Variants in PDE10A observed in about 807,000 individuals in gnomAD.
The protein encoded by PDE10A is phosphodiesterase 10A, also known as cAMP and cAMP-inhibited cGMP 3',5'-cyclic phosphodiesterase 10A.
A neutral mutation model predicts 97.7 loss-of-function variants in PDE10A; 39 were observed. The ratio of observed to expected loss-of-function variants is 0.40; its 90% CI spans 0.31 to 0.52. The LOEUF (loss-of-function observed/expected upper bound fraction) is 0.52, where lower values mean the gene tolerates loss of function less well. Ranked by LOEUF, PDE10A falls within the 20% of genes least tolerant of loss-of-function variation. The pLI, the probability that PDE10A is intolerant of heterozygous loss-of-function variation, is 0.56. For missense variants in PDE10A, 731 were observed against 1,047.8 expected (o/e 0.70, Z 4.17); for synonymous variants, 371 against 376.8 (o/e 0.98, Z 0.18).
chr6:165,513,536 A>G (rs1475680523), intron 2 of PDE10A, among the ~76,000 whole-genome samples: 1 of 152,112 alleles, frequency 6.6e-6, no homozygotes, highest in African/African-American at 2.4e-5. Flanking sequence ...TTGCATTTCC[A>G]TATGCATTTT....
intron 1 of PDE10A, among the ~76,000 whole-genome samples, chr6:165,741,654 A>G (rs1792724106): frequency 1.3e-5 from 2 of 152,236 alleles, no homozygotes; most frequent in Non-Finnish European, 2.9e-5. Context: ...AGCATACTAT[A>G]TATTATACAG....
At chr6:165,609,719 C>A (rs1787398395) in intron 1 of PDE10A, among the ~76,000 whole-genome samples, 1 of 152,134 alleles carries the variant, frequency 6.6e-6, no homozygotes, top group Non-Finnish European at 1.5e-5. Flanking sequence ...CAATAACAGA[C>A]AAACAGAGAG....
intron 1 of PDE10A, among the ~76,000 whole-genome samples, chr6:165,752,419 C>G (rs1793027068): frequency 6.6e-6 from 1 of 152,214 alleles, no homozygotes; most frequent in African/African-American, 2.4e-5. Context: ...TCCAGCTGCA[C>G]TGAACCTGGG....
chr6:165,837,213 T>G (rs539660440), intron 1 of PDE10A, among the ~76,000 whole-genome samples: 2 of 149,200 alleles, frequency 1.3e-5, no homozygotes, highest in South Asian at 4.2e-4. Context: ...AAAAAAAGAG[T>G]AATACAAACT....
intron 17 of PDE10A, among the ~76,000 whole-genome samples, chr6:165,384,197 G>A (rs531035655): frequency 6.6e-5 from 10 of 152,158 alleles, no homozygotes; most frequent in East Asian, 3.9e-4. Flanking sequence ...AGGAAAAGGC[G>A]GAAAAACAGA....
At chr6:165,454,082 T>C (rs1777795183) in intron 3 of PDE10A, among the ~76,000 whole-genome samples, 1 of 152,210 alleles carries the variant, frequency 6.6e-6, no homozygotes, top group East Asian at 1.9e-4. Context: ...GTTTCCTCTG[T>C]TGAGTTTTGG....
In PDE10A at chr6:165,343,438, C is replaced by A. The variant is rs117826255; in HGVS notation, c.2848G>T (p.Val950Phe). 2 of 1,613,850 alleles carry A rather than the reference C, an allele frequency of 1.2e-6. No individual in the cohort carries two copies. Among genetic ancestry groups the A allele is most frequent in the Admixed American group, 1.7e-5 (1 of 59,986 alleles). Residue 950 changes from valine (V) to phenylalanine (F), a missense_variant, in exon 19 of 22, where the codon GTT becomes TTT. Physicochemically the swap from Val to Phe is conservative, Grantham distance 50 (BLOSUM62 -1). Coordinates refer to ENST00000539869, the MANE Select transcript of PDE10A (RefSeq NM_001385079.1). ...DLCSVTKLWP[V>F]TKLTANDIYA... ...ATATCATTTGCCGTCAATTTTGTAA[C>A]GGGCCACAGTTTTGTCACAGAACAA...
rs944425391 is a variant in PDE10A at position 165,330,275 on chromosome 6, T to C, written c.*2750A>G. On this transcript the variant is annotated 3_prime_UTR_variant, in exon 22 of 22. Transcript: ENST00000539869. ...CCTTAATAGGAACTCATCAAAGCTG[T>C]TGTTAGTAAAAACCATCTCTTGGCT... The C allele has an allele frequency of 2.6e-5, 4 of 152,200 alleles. No homozygotes were observed. Among genetic ancestry groups the C allele is most frequent in the South Asian group, 2.1e-4 (1 of 4,838 alleles). 9.4% of individuals were successfully genotyped at this position (152,200 alleles called of 1,614,324 possible).
intron 1 of PDE10A, among the ~76,000 whole-genome samples, chr6:165,543,976 T>C (rs1362311361): frequency 2.0e-5 from 3 of 152,146 alleles, no homozygotes; most frequent in Non-Finnish European, 2.9e-5. Flanking sequence ...TTTCTAGCAA[T>C]AAATTTCAGA....
chr6:165,586,878 G>GA (rs568867512), intron 1 of PDE10A, among the ~76,000 whole-genome samples: 7 of 150,664 alleles, frequency 4.6e-5, no homozygotes, highest in South Asian at 2.1e-4. Context: ...TATTTGCCTT[G>GA]AAAAAAAAAT....
At chr6:165,885,176 C>T (rs1781594783) in intron 1 of PDE10A, among the ~76,000 whole-genome samples, 1 of 152,122 alleles carries the variant, frequency 6.6e-6, no homozygotes, top group South Asian at 2.1e-4. Flanking sequence ...ATTTGAAACG[C>T]AGGTGTATTC....
At chr6:165,761,118 C>T (rs1793239820) in intron 1 of PDE10A, among the ~76,000 whole-genome samples, 1 of 152,170 alleles carries the variant, frequency 6.6e-6, no homozygotes, top group African/African-American at 2.4e-5. Flanking sequence ...GGGAAACCCG[C>T]TAGCAGGACT....
chr6:165,610,679 G>A (rs975818317), intron 1 of PDE10A, among the ~76,000 whole-genome samples: 7 of 152,166 alleles, frequency 4.6e-5, no homozygotes, highest in Admixed American at 3.9e-4. Flanking sequence ...TGTAGGCAAT[G>A]AGCCCACTGT....
chr6:165,394,768 C>T (rs142396840), intron 15 of PDE10A, among the ~76,000 whole-genome samples: 76 of 152,184 alleles, frequency 5.0e-4, no homozygotes, highest in African/African-American at 1.8e-3. Context: ...TTCTAACTGG[C>T]GTGAGATGGT....
chr6:165,681,430 C>G (rs372768697), intron 1 of PDE10A, among the ~76,000 whole-genome samples: 54 of 137,608 alleles, frequency 3.9e-4, no homozygotes, highest in African/African-American at 5.3e-4. Flanking sequence ...GTGTGTGTGT[C>G]TGTGTGCATT....
At chr6:165,894,131 T>C (rs2461723) in intron 1 of PDE10A, 18,318 of 358,488 alleles carry the variant, frequency 0.051, 517 homozygotes, top group Non-Finnish European at 0.055. Flanking sequence ...GAATAAAATA[T>C]GGCTTGACTG....
intron 1 of PDE10A, among the ~76,000 whole-genome samples, chr6:165,822,582 T>C (rs1779605097): frequency 6.7e-6 from 1 of 149,566 alleles, no homozygotes; most frequent in South Asian, 2.1e-4. Flanking sequence ...TATCTAAACA[T>C]AGAAAAGGTA....
chr6:165,405,447 T>C (rs1057465366), intron 13 of PDE10A, among the ~76,000 whole-genome samples: 5 of 152,174 alleles, frequency 3.3e-5, no homozygotes, highest in Admixed American at 2.0e-4. Context: ...TGATAATTCA[T>C]AAAATATAAT....
At chr6:165,937,548 G>A (rs187322919) in intron 1 of PDE10A, among the ~76,000 whole-genome samples, 2 of 152,258 alleles carry the variant, frequency 1.3e-5, no homozygotes, top group Admixed American at 1.3e-4. Flanking sequence ...TTACAACTTA[G>A]AAATATTTAT....
Sources: gnomAD v4.1 joint callset for allele counts (sites outside exome capture counted in the v4.1 genomes callset) on GRCh38, gnomAD v4.1.1 for gene constraint, MANE v1.5 for transcripts, NCBI Gene and HGNC (gene_info 2026-07-23, HGNC 2026-07-21) for gene names.